FAM53B: variants seen among roughly 807,000 people sequenced by gnomAD.
FAM53B encodes the protein family with sequence similarity 53 member B.
In FAM53B, 12 loss-of-function variants were observed where a neutral mutation model predicts 32.7. The ratio of observed to expected loss-of-function variants is 0.37; its 90% CI spans 0.24 to 0.59. FAM53B has a LOEUF of 0.59. FAM53B is among the 20% of genes least tolerant of loss of function. FAM53B has a pLI of 0.72. For missense variants in FAM53B, 477 were observed against 577.7 expected (o/e 0.83, Z 1.79); for synonymous variants, 234 against 228.7 (o/e 1.02, Z -0.21).
intron 4 of FAM53B, among the ~76,000 whole-genome samples, chr10:124,633,021 T>C (rs1398632728): frequency 2.0e-5 from 3 of 151,966 alleles, no homozygotes; most frequent in South Asian, 2.1e-4. Flanking sequence ...GAGGGATAAA[T>C]AGAGACCACC....
At chr10:124,739,470 G>T (rs550385202) in intron 1 of FAM53B, among the ~76,000 whole-genome samples, 1 of 152,218 alleles carries the variant, frequency 6.6e-6, no homozygotes, top group African/African-American at 2.4e-5. Context: ...TTATACTAGC[G>T]CAGGGGAAGA....
chr10:124,625,234 C>T (rs1239974622), intron 4 of FAM53B, among the ~76,000 whole-genome samples: 8 of 152,162 alleles, frequency 5.3e-5, no homozygotes, highest in African/African-American at 1.4e-4. Flanking sequence ...GCCATGGGCA[C>T]GCTCATTGTT....
intron 3 of FAM53B, among the ~76,000 whole-genome samples, chr10:124,692,058 A>T (rs1199876559): frequency 6.6e-6 from 1 of 152,264 alleles, no homozygotes; most frequent in Non-Finnish European, 1.5e-5. Flanking sequence ...AGCTTTGTAG[A>T]GGAAATTCCA....
chr10:124,707,804 C>T (rs1949971631), intron 1 of FAM53B: 1 of 152,188 alleles, frequency 6.6e-6, no homozygotes, highest in South Asian at 2.1e-4. Context: ...TCAACATCAA[C>T]ATCTTTGCAA....
At chr10:124,650,642 C>A (rs185608850) in intron 4 of FAM53B, among the ~76,000 whole-genome samples, 1 of 152,304 alleles carries the variant, frequency 6.6e-6, no homozygotes, top group East Asian at 1.9e-4. Flanking sequence ...GAGAGCTGAA[C>A]CCTAACCCCA....
At chr10:124,672,748 G>A (rs911465774) in intron 4 of FAM53B, among the ~76,000 whole-genome samples, 27 of 152,234 alleles carry the variant, frequency 1.8e-4, no homozygotes, top group Admixed American at 1.4e-3. Context: ...ACTGAGGGCT[G>A]ACAGGAAAGG....
chr10:124,744,314 T>C lies in FAM53B; in HGVS notation c.-476A>G, dbSNP rs1220062067. ...CGGGCGGTGTCGCGGGCCCGGGCGC[T>C]AGGCGCGGCGGCGGCGTGCAGGAGG... is the stretch of plus-strand genomic sequence containing the variant. On this transcript the variant is annotated 5_prime_UTR_variant, in exon 1 of 5. Transcript: ENST00000337318. 1 of 147,162 alleles carries C rather than the reference T, an allele frequency of 6.8e-6. No individual in the cohort carries two copies. Among genetic ancestry groups the C allele is most frequent in the Non-Finnish European group, 1.5e-5 (1 of 66,138 alleles). The allele number at this position is 147,162 out of a possible 1,614,324, so 9.1% of individuals were successfully genotyped here.
intron 1 of FAM53B, among the ~76,000 whole-genome samples, chr10:124,709,137 C>G (rs540838357): frequency 6.6e-6 from 1 of 152,216 alleles, no homozygotes; most frequent in Non-Finnish European, 1.5e-5. Flanking sequence ...CGGCAATGGA[C>G]GCCCAAGCGG....
At chr10:124,710,655 C>T (rs868751339) in intron 1 of FAM53B, among the ~76,000 whole-genome samples, 4 of 152,268 alleles carry the variant, frequency 2.6e-5, no homozygotes, top group Admixed American at 1.3e-4. Context: ...AGCCCTCCCA[C>T]AGGCCACCTC....
chr10:124,676,733 C>T (rs1325600091), intron 4 of FAM53B, among the ~76,000 whole-genome samples: 1 of 152,192 alleles, frequency 6.6e-6, no homozygotes, highest in East Asian at 1.9e-4. Context: ...CCAGTCCCTG[C>T]GGCCCCGCCC....
intron 1 of FAM53B, among the ~76,000 whole-genome samples, chr10:124,726,487 G>A (rs1385162499): frequency 6.6e-6 from 1 of 152,224 alleles, no homozygotes; most frequent in Non-Finnish European, 1.5e-5. Context: ...AGAGGCAGAT[G>A]AGGATGCCAT....
chr10:124,671,535 G>A (rs2134062864), intron 4 of FAM53B, among the ~76,000 whole-genome samples: 1 of 152,236 alleles, frequency 6.6e-6, no homozygotes, highest in East Asian at 1.9e-4. Flanking sequence ...TGATCCAGGA[G>A]GCCTGCCTCA....
At chr10:124,714,273 C>T (rs958042351) in intron 1 of FAM53B, 4 of 152,066 alleles carry the variant, frequency 2.6e-5, no homozygotes, top group Non-Finnish European at 4.4e-5. Context: ...CCTCTACTTT[C>T]CCAGACCAAG....
chr10:124,720,708 T>C (rs1950063892), intron 1 of FAM53B, among the ~76,000 whole-genome samples: 1 of 152,150 alleles, frequency 6.6e-6, no homozygotes, highest in South Asian at 2.1e-4. Flanking sequence ...GAGTGACTAC[T>C]TTGTGACTGC....
chr10:124,662,666 A>C (rs2134057680), intron 4 of FAM53B, among the ~76,000 whole-genome samples: 1 of 152,256 alleles, frequency 6.6e-6, no homozygotes, highest in South Asian at 2.1e-4. Flanking sequence ...AAATTAAAAG[A>C]CTTAAAAATT....
intron 4 of FAM53B, among the ~76,000 whole-genome samples, chr10:124,668,269 C>T (rs1949686156): frequency 6.6e-6 from 1 of 152,246 alleles, no homozygotes; most frequent in African/African-American, 2.4e-5. Flanking sequence ...AACACACGGC[C>T]ATCTCGCCCC....
intron 4 of FAM53B, among the ~76,000 whole-genome samples, chr10:124,642,345 C>T (rs1279617790): frequency 6.6e-6 from 1 of 152,226 alleles, no homozygotes; most frequent in African/African-American, 2.4e-5. Flanking sequence ...ACGGGTCTCA[C>T]TCTCACACCA....
intron 4 of FAM53B, among the ~76,000 whole-genome samples, chr10:124,636,669 G>C (rs1371899848): frequency 6.6e-6 from 1 of 152,050 alleles, no homozygotes; most frequent in Non-Finnish European, 1.5e-5. Flanking sequence ...GCCACTGGGG[G>C]CAGCTGCCAG....
chr10:124,688,223 A>T (rs1450377325), intron 3 of FAM53B, among the ~76,000 whole-genome samples: 1 of 152,198 alleles, frequency 6.6e-6, no homozygotes, highest in East Asian at 1.9e-4. Context: ...AAAGATACGC[A>T]GAAGGGCCCC....
Sources: gnomAD v4.1 joint callset for allele counts (sites outside exome capture counted in the v4.1 genomes callset) on GRCh38, gnomAD v4.1.1 for gene constraint, MANE v1.5 for transcripts, NCBI Gene and HGNC (gene_info 2026-07-23, HGNC 2026-07-21) for gene names.